Variants in FGF14 observed in about 807,000 individuals in gnomAD.
The protein encoded by FGF14 is fibroblast growth factor homologous factor 4.
FGF14 carries 5 observed loss-of-function variants against 25.5 expected under a neutral mutation model. The observed-to-expected ratio is 0.20, with a 90% confidence interval of 0.10 to 0.41. The LOEUF (loss-of-function observed/expected upper bound fraction) is 0.41, where lower values mean the gene tolerates loss of function less well. Among genes scored for constraint, FGF14 ranks in the 10% least tolerant of loss-of-function variants. The pLI is 1.00. For missense variants in FGF14, 222 were observed against 320.1 expected (o/e 0.69, Z 2.34); for synonymous variants, 138 against 118.3 (o/e 1.17, Z -1.08).
At chr13:102,236,888 C>A (rs1300418126) in intron 1 of FGF14, among the ~76,000 whole-genome samples, 1 of 152,122 alleles carries the variant, frequency 6.6e-6, no homozygotes, top group Non-Finnish European at 1.5e-5. Flanking sequence ...AGAAGCCAGG[C>A]TGGAGAGTGC....
chr13:101,804,267 A>G (rs2041071309), intron 3 of FGF14, among the ~76,000 whole-genome samples: 1 of 152,200 alleles, frequency 6.6e-6, no homozygotes, highest in Non-Finnish European at 1.5e-5. Context: ...ACACCACATT[A>G]AAGTGGGTCC....
chr13:102,081,114 A>C (rs2140194891), intron 1 of FGF14, among the ~76,000 whole-genome samples: 1 of 152,390 alleles, frequency 6.6e-6, no homozygotes, highest in Middle Eastern at 3.4e-3. Flanking sequence ...ATGTAAAAAA[A>C]CAAACCATAA....
At chr13:101,833,331 T>A (rs2042770149) in intron 3 of FGF14, among the ~76,000 whole-genome samples, 1 of 152,078 alleles carries the variant, frequency 6.6e-6, no homozygotes, top group South Asian at 2.1e-4. Context: ...TCATTGCTCT[T>A]TTGTATGTGC....
intron 1 of FGF14, among the ~76,000 whole-genome samples, chr13:101,902,774 T>C (rs952580301): frequency 6.6e-6 from 1 of 152,232 alleles, no homozygotes; most frequent in Non-Finnish European, 1.5e-5. Context: ...GTCATGGTTT[T>C]GAGAATCTGA....
intron 1 of FGF14, among the ~76,000 whole-genome samples, chr13:102,140,963 A>T (rs2046619634): frequency 6.6e-6 from 1 of 152,270 alleles, no homozygotes; most frequent in South Asian, 2.1e-4. Flanking sequence ...GGAAGAGCAG[A>T]CAGCTGCATC....
intron 1 of FGF14, among the ~76,000 whole-genome samples, chr13:101,907,362 A>G (rs954284028): frequency 6.6e-6 from 1 of 152,196 alleles, no homozygotes; most frequent in African/African-American, 2.4e-5. Context: ...CGTCACTATA[A>G]AAAGATGATC....
At chr13:101,796,679 G>C (rs1193893823) in intron 3 of FGF14, among the ~76,000 whole-genome samples, 2 of 151,988 alleles carry the variant, frequency 1.3e-5, no homozygotes, top group Admixed American at 1.3e-4. Flanking sequence ...ACTATGAAAA[G>C]ACACAAGAGA....
intron 1 of FGF14, among the ~76,000 whole-genome samples, chr13:102,029,844 G>T (rs1156482550): frequency 6.6e-6 from 1 of 152,094 alleles, no homozygotes; most frequent in African/African-American, 2.4e-5. Context: ...GGATTATTCA[G>T]TTCATTATTT....
At chr13:101,826,375 C>A (rs1407316476) in intron 3 of FGF14, among the ~76,000 whole-genome samples, 1 of 152,006 alleles carries the variant, frequency 6.6e-6, no homozygotes, top group African/African-American at 2.4e-5. Flanking sequence ...TCACTAAATA[C>A]CCACATTGAC....
At chr13:101,729,956 G>A (rs1366313090) in intron 3 of FGF14, among the ~76,000 whole-genome samples, 2 of 152,196 alleles carry the variant, frequency 1.3e-5, no homozygotes, top group African/African-American at 2.4e-5. Flanking sequence ...AAGGCAAGAG[G>A]TGGGAAATGG....
chr13:101,888,825 T>C (rs1016643679), intron 1 of FGF14, among the ~76,000 whole-genome samples: 3 of 144,696 alleles, frequency 2.1e-5, no homozygotes, highest in Non-Finnish European at 4.7e-5. Context: ...TTGTGTCTAA[T>C]GGTGTGAAAG....
chr13:102,046,023 T>A lies in FGF14; in HGVS notation c.209-170727A>T, dbSNP rs1266079331. ...TTGTGAGGGTTAGAGAAGTGGTAAA[T>A]CCTTGGCATGTTCTTAAGGACTTTT... On this transcript the variant is annotated intron_variant, in intron 1 of 4. Transcript: ENST00000376131. 2.6e-5 allele frequency: 4 copies of A among 154,298 alleles called. No individual in the cohort carries two copies. In the East Asian group the frequency reaches 5.8e-4, roughly 22 times the overall value. 9.6% of individuals were successfully genotyped at this position (154,298 alleles called of 1,614,324 possible).
chr13:101,941,031 G>A (rs530787625), intron 1 of FGF14, among the ~76,000 whole-genome samples: 1 of 152,134 alleles, frequency 6.6e-6, no homozygotes, highest in Non-Finnish European at 1.5e-5. Flanking sequence ...TGCAGGTCAA[G>A]TGAAAACCTG....
chr13:101,968,914 G>T (rs1321036625), intron 1 of FGF14, among the ~76,000 whole-genome samples: 1 of 147,800 alleles, frequency 6.8e-6, no homozygotes, highest in Non-Finnish European at 1.5e-5. Context: ...TGGGGGTTTG[G>T]AAGCAGGGAG....
chr13:102,320,130 G>A (rs1001503212), intron 1 of FGF14, among the ~76,000 whole-genome samples: 5 of 152,026 alleles, frequency 3.3e-5, no homozygotes, highest in East Asian at 1.9e-4. Context: ...CAGAATAATC[G>A]TTCGGGAGAT....
At chr13:102,243,793 C>T (rs2051724990) in intron 1 of FGF14, among the ~76,000 whole-genome samples, 1 of 151,830 alleles carries the variant, frequency 6.6e-6, no homozygotes. Context: ...AGTGAAGCTA[C>T]TAGCAGTAGT....
intron 1 of FGF14, among the ~76,000 whole-genome samples, chr13:102,365,116 C>T (rs558163325): frequency 3.0e-4 from 45 of 152,244 alleles, no homozygotes; most frequent in African/African-American, 9.4e-4. Flanking sequence ...CCTCTAATTT[C>T]GGCATCCTTT....
intron 1 of FGF14, among the ~76,000 whole-genome samples, chr13:102,347,447 T>C (rs1328709896): frequency 1.3e-5 from 2 of 152,130 alleles, no homozygotes; most frequent in Non-Finnish European, 2.9e-5. Context: ...GGTGGATGTG[T>C]ACAAGCTGAC....
chr13:101,733,163 C>A (rs2035922226), intron 3 of FGF14, among the ~76,000 whole-genome samples: 1 of 152,036 alleles, frequency 6.6e-6, no homozygotes, highest in South Asian at 2.1e-4. Context: ...ATTAAGTTGA[C>A]TAATGTACTT....
Sources: allele counts gnomAD v4.1 joint callset (sites outside exome capture counted in the v4.1 genomes callset), GRCh38; gene constraint gnomAD v4.1.1; transcripts MANE v1.5; gene names NCBI Gene and HGNC (gene_info 2026-07-23, HGNC 2026-07-21).